Variants in SLC25A26 observed in about 807,000 individuals in gnomAD.
SLC25A26 encodes mitochondrial S-adenosylmethionine carrier protein.
SLC25A26 carries 36 observed loss-of-function variants against 37.8 expected under a neutral mutation model. The ratio of observed to expected loss-of-function variants is 0.95; its 90% CI spans 0.73 to 1.26. The LOEUF is 1.26. Ranked by LOEUF, SLC25A26 falls within the 50% of genes most tolerant of loss-of-function variation. SLC25A26 has a pLI of 0.00. For synonymous variants in SLC25A26, 129 were observed against 122.5 expected (o/e 1.05, Z -0.35); for missense variants, 390 against 331.1 (o/e 1.18, Z -1.38).
At chr3:66,179,179 G>A (rs1400862229) in intron 1 of SLC25A26, among the ~76,000 whole-genome samples, 1 of 152,140 alleles carries the variant, frequency 6.6e-6, no homozygotes, top group African/African-American at 2.4e-5. Context: ...AAAAGTTAAA[G>A]CAGCTTTAAA....
intron 3 of SLC25A26, among the ~76,000 whole-genome samples, chr3:66,253,968 TAG>T (rs2073198428): frequency 6.6e-6 from 1 of 152,198 alleles, no homozygotes; most frequent in Non-Finnish European, 1.5e-5. Context: ...TAAGTGTTGA[TAG>T]AGTTATTTTC....
intron 6 of SLC25A26, among the ~76,000 whole-genome samples, chr3:66,361,302 A>G (rs567640778): frequency 6.6e-6 from 1 of 152,376 alleles, no homozygotes; most frequent in South Asian, 2.1e-4. Context: ...TCTAGAAGAA[A>G]ACACAGGATC....
At chr3:66,175,140 TACACACAC>T (rs1227038410) in intron 1 of SLC25A26, among the ~76,000 whole-genome samples, 4 of 67,010 alleles carry the variant, frequency 6.0e-5, no homozygotes, top group African/African-American at 1.3e-4. Context: ...TATATATATA[TACACACAC>T]ACACACACAC....
At chr3:66,194,144 G>A (rs2070998027) in intron 1 of SLC25A26, among the ~76,000 whole-genome samples, 1 of 152,206 alleles carries the variant, frequency 6.6e-6, no homozygotes, top group Non-Finnish European at 1.5e-5. Context: ...GCCAAGGTGG[G>A]CTCATGGACA....
At chr3:66,281,640 G>T (rs1490641357) in intron 5 of SLC25A26, among the ~76,000 whole-genome samples, 1 of 151,896 alleles carries the variant, frequency 6.6e-6, no homozygotes, top group Admixed American at 6.6e-5. Context: ...ACAGTTCAAG[G>T]GATTTTACTA....
intron 3 of SLC25A26, among the ~76,000 whole-genome samples, chr3:66,256,919 A>G (rs2073326451): frequency 6.6e-6 from 1 of 152,182 alleles, no homozygotes; most frequent in South Asian, 2.1e-4. Flanking sequence ...TAAATTCTAA[A>G]GTATGGAGAA....
chr3:66,202,994 T>C (rs2071129802), intron 1 of SLC25A26, among the ~76,000 whole-genome samples: 1 of 152,236 alleles, frequency 6.6e-6, no homozygotes, highest in Non-Finnish European at 1.5e-5. Context: ...TCTTCTTAAA[T>C]GGTTAAGTTT....
intron 1 of SLC25A26, among the ~76,000 whole-genome samples, chr3:66,202,339 C>T (rs1006572591): frequency 2.0e-5 from 3 of 151,786 alleles, no homozygotes; most frequent in Admixed American, 6.6e-5. Flanking sequence ...GGGAGGGGTA[C>T]ATCACACACT....
chr3:66,205,068 T>C (rs1226105396), intron 1 of SLC25A26, among the ~76,000 whole-genome samples: 2 of 152,228 alleles, frequency 1.3e-5, no homozygotes, highest in Non-Finnish European at 2.9e-5. Flanking sequence ...GTTTTCCTGA[T>C]ACTGAAAGAT....
At chr3:66,224,780 T>C (rs2071662396) in intron 1 of SLC25A26, among the ~76,000 whole-genome samples, 1 of 152,190 alleles carries the variant, frequency 6.6e-6, no homozygotes, top group Non-Finnish European at 1.5e-5. Flanking sequence ...GCAAGTTAAT[T>C]ACTTCCTAGA....
chr3:66,135,093 A>C (rs868252816), intron 1 of SLC25A26, among the ~76,000 whole-genome samples: 1 of 152,182 alleles, frequency 6.6e-6, no homozygotes, highest in Non-Finnish European at 1.5e-5. Flanking sequence ...GGCCTCGCAA[A>C]GAGCTGGGAT....
At chr3:66,142,867 A>G (rs1025083448) in intron 1 of SLC25A26, among the ~76,000 whole-genome samples, 4 of 152,110 alleles carry the variant, frequency 2.6e-5, no homozygotes, top group African/African-American at 9.7e-5. Flanking sequence ...GGGCTCAAGC[A>G]GTCCTCCCAC....
At chr3:66,141,852 G>A (rs1409388221) in intron 1 of SLC25A26, among the ~76,000 whole-genome samples, 2 of 152,240 alleles carry the variant, frequency 1.3e-5, no homozygotes, top group Non-Finnish European at 1.5e-5. Flanking sequence ...CAAAGCTGTG[G>A]ATGGAAGTTG....
intron 1 of SLC25A26, among the ~76,000 whole-genome samples, chr3:66,230,450 T>C (rs1274612326): frequency 6.6e-6 from 1 of 151,888 alleles, no homozygotes; most frequent in East Asian, 1.9e-4. Context: ...CATGTATGTA[T>C]GTAGGGGGGT....
chr3:66,204,529 C>T (rs1483556574), intron 1 of SLC25A26, among the ~76,000 whole-genome samples: 1 of 151,552 alleles, frequency 6.6e-6, no homozygotes, highest in African/African-American at 2.4e-5. Context: ...CCAATATCAT[C>T]AACTCCTGGA....
chr3:66,160,533 G>A (rs1434670377), intron 1 of SLC25A26, among the ~76,000 whole-genome samples: 1 of 152,124 alleles, frequency 6.6e-6, no homozygotes, highest in African/African-American at 2.4e-5. Context: ...AATACACCTG[G>A]CCTTTCCTCC....
chr3:66,332,386 A>C (rs1392227801), intron 5 of SLC25A26, among the ~76,000 whole-genome samples: 1 of 152,106 alleles, frequency 6.6e-6, no homozygotes, highest in Non-Finnish European at 1.5e-5. Context: ...AAGTATTCTT[A>C]TTTAGAATTT....
intron 7 of SLC25A26, among the ~76,000 whole-genome samples, chr3:66,364,860 T>G (rs1166933694): frequency 6.6e-6 from 1 of 152,214 alleles, no homozygotes; most frequent in Non-Finnish European, 1.5e-5. Context: ...TTTTTTCTGC[T>G]GAAGTTCTGA....
At chr3:66,209,902 A>ATATT (rs2071258772) in intron 1 of SLC25A26, among the ~76,000 whole-genome samples, 5 of 15,420 alleles carry the variant, frequency 3.2e-4, no homozygotes, top group African/African-American at 1.1e-3. Context: ...CTCTATTTAT[A>ATATT]TATATATATA....
Sources: gnomAD v4.1 joint callset for allele counts (sites outside exome capture counted in the v4.1 genomes callset) on GRCh38, gnomAD v4.1.1 for gene constraint, MANE v1.5 for transcripts, NCBI Gene and HGNC (gene_info 2026-07-23, HGNC 2026-07-21) for gene names.